Variants in SLC44A1 observed in about 807,000 individuals in gnomAD.
SLC44A1 encodes the protein choline transporter-like protein 1.
A neutral mutation model predicts 79.3 loss-of-function variants in SLC44A1; 26 were observed. The ratio of observed to expected loss-of-function variants is 0.33; its 90% confidence interval spans 0.24 to 0.46. The LOEUF (loss-of-function observed/expected upper bound fraction) is 0.46, where lower values mean the gene tolerates loss of function less well. SLC44A1 is among the 20% of genes least tolerant of loss of function. The pLI is 1.00. For missense variants in SLC44A1, 688 were observed against 798.1 expected (o/e 0.86, Z 1.66); for synonymous variants, 263 against 286.2 (o/e 0.92, Z 0.82).
Position 105,340,995 on chromosome 9 carries a change from T to G in SLC44A1, c.406+5296T>G, listed in dbSNP as rs377053312. On this transcript the variant is annotated intron_variant, in intron 4 of 15. Transcript: ENST00000374720. Reference sequence around the variant, plus strand: ...GGAAATTAGATTGGTATTGTGGAGATGCTGTCATATTACAAAGGCTTTTAA... The same window carrying G: ...GGAAATTAGATTGGTATTGTGGAGAGGCTGTCATATTACAAAGGCTTTTAA... Among the ~76,000 whole-genome samples the G allele has an allele frequency of 4.3e-4, 65 of 152,306 alleles. 1 individual carries two copies. The South Asian group carries it at 0.013, about 31-fold the overall frequency.
intron 5 of SLC44A1, among the ~76,000 whole-genome samples, chr9:105,351,563 A>AGAGAGAAAGAGAGAAG (rs1827414238): frequency 8.4e-6 from 1 of 118,662 alleles, no homozygotes; most frequent in Non-Finnish European, 1.7e-5. Context: ...AAAGAGAGAA[A>AGAGAGAAAGAGAGAAG]GAGAGAAAGA....
chr9:105,348,281 T>C, intron 4 of SLC44A1, 77 bp from the exon 5 acceptor site: 1 of 762,746 alleles, frequency 1.3e-6, no homozygotes, highest in Non-Finnish European at 2.3e-6. Context: ...ATATGTTGAA[T>C]AATACAAAAT....
intron 2 of SLC44A1, chr9:105,299,962 T>G: frequency 2.0e-6 from 2 of 984,564 alleles, no homozygotes; most frequent in Non-Finnish European, 2.4e-6. Flanking sequence ...CACATTCAAT[T>G]GCATACTCAC....
At position 105,418,794 on chromosome 9, in the gene SLC44A1, C is replaced by A. The variant is rs577158860; in HGVS notation, c.1951-19487C>A. Among the ~76,000 whole-genome samples, 22 of 152,308 alleles carry A rather than the reference C, an allele frequency of 1.4e-4. 1 individual carries two copies. Among genetic ancestry groups the A allele is most frequent in the African/African-American group, 5.1e-4 (21 of 41,554 alleles). The stretch of plus-strand genomic sequence containing the variant: ...GGAGAGAATCTCTTAGCCACTCGTG[C>A]TGAAATGTGACTTTCTTATTAGCAG... On this transcript the variant is annotated intron_variant, in intron 15 of 15. Transcript: ENST00000374724.
chr9:105,407,080 G>A (rs534536551), intron 15 of SLC44A1, among the ~76,000 whole-genome samples: 1 of 152,056 alleles, frequency 6.6e-6, no homozygotes, highest in African/African-American at 2.4e-5. Flanking sequence ...TCAGTCTAAG[G>A]AGCAGAAAAA....
At chr9:105,307,428 G>A (rs1453656657) in intron 2 of SLC44A1, among the ~76,000 whole-genome samples, 2 of 152,142 alleles carry the variant, frequency 1.3e-5, no homozygotes, top group African/African-American at 4.8e-5. Flanking sequence ...TGGATCACTT[G>A]AGGTCAGGAG....
Position 105,387,026 on chromosome 9 carries a change from G to C in SLC44A1, c.1950+1524G>C, listed in dbSNP as rs566250973. On this transcript the variant is annotated intron_variant, in intron 15 of 15. Coordinates refer to ENST00000374720, the MANE Select transcript of SLC44A1 (RefSeq NM_080546.5). ...TGCATTCCAGCCTGGGCGACAGAGC[G>C]AGACTCCATCTCAAAAAAAAAAAAA... Among the ~76,000 whole-genome samples, 66 of 40,914 alleles carry C rather than the reference G, an allele frequency of 1.6e-3. 1 individual carries two copies. The highest frequency in any genetic ancestry group is 0.015 in the East Asian group (24 of 1,616). 26.8% of individuals were successfully genotyped at this position (40,914 alleles called of 152,430 possible).
intron 15 of SLC44A1, among the ~76,000 whole-genome samples, chr9:105,427,198 G>T (rs754964930): frequency 1.4e-4 from 21 of 152,108 alleles, no homozygotes; most frequent in Non-Finnish European, 2.8e-4. Context: ...CTCCCAAAGT[G>T]CTGAGATTAA....
At chr9:105,414,355 G>A (rs751024649) in intron 15 of SLC44A1, among the ~76,000 whole-genome samples, 1 of 152,042 alleles carries the variant, frequency 6.6e-6, no homozygotes, top group Non-Finnish European at 1.5e-5. Context: ...ACGCCCAGCC[G>A]ACAGTTAGTG....
intron 15 of SLC44A1, among the ~76,000 whole-genome samples, chr9:105,415,674 T>C (rs963806819): frequency 1.1e-4 from 17 of 152,148 alleles, no homozygotes; most frequent in African/African-American, 3.9e-4. Flanking sequence ...GCATTTAGTG[T>C]TTGCATTCTA....
chr9:105,276,618 G>A (rs1007217740), intron 1 of SLC44A1, among the ~76,000 whole-genome samples: 2 of 121,850 alleles, frequency 1.6e-5, no homozygotes, highest in African/African-American at 3.5e-5. Flanking sequence ...GTGTGTGTGT[G>A]TATGTGCCTG....
At chr9:105,305,400 A>G (rs1831000915) in intron 2 of SLC44A1, among the ~76,000 whole-genome samples, 1 of 152,098 alleles carries the variant, frequency 6.6e-6, no homozygotes, top group Admixed American at 6.6e-5. Flanking sequence ...GTTTACATAA[A>G]TACTCACTCT....
chr9:105,436,049 T>C (rs1829459921), intron 15 of SLC44A1, among the ~76,000 whole-genome samples: 1 of 151,976 alleles, frequency 6.6e-6, no homozygotes, highest in African/African-American at 2.4e-5. Context: ...AATACAAAAA[T>C]TGGCCTGGCA....
intron 13 of SLC44A1, among the ~76,000 whole-genome samples, chr9:105,378,361 A>C (rs946537951): frequency 2.0e-5 from 3 of 152,248 alleles, no homozygotes; most frequent in African/African-American, 7.2e-5. Flanking sequence ...AACTATGGTT[A>C]TACAACTGTT....
At chr9:105,265,514 CAT>C (rs1274701700) in intron 1 of SLC44A1, among the ~76,000 whole-genome samples, 1 of 152,184 alleles carries the variant, frequency 6.6e-6, no homozygotes, top group African/African-American at 2.4e-5. Context: ...ATGAATATAT[CAT>C]AGTTTATTCA....
At chr9:105,353,379 G>A (rs751987514) in intron 5 of SLC44A1, among the ~76,000 whole-genome samples, 1 of 152,126 alleles carries the variant, frequency 6.6e-6, no homozygotes, top group Non-Finnish European at 1.5e-5. Flanking sequence ...TTCATTTTGA[G>A]AGTTCTGGTC....
intron 1 of SLC44A1, among the ~76,000 whole-genome samples, chr9:105,255,101 G>GTTTTTTTTT (rs74312883): frequency 5.4e-5 from 6 of 111,878 alleles, no homozygotes; most frequent in Non-Finnish European, 6.0e-5. Context: ...AGGTTTTTTT[G>GTTTTTTTTT]TTTTTTTTTT....
chr9:105,401,057 G>C (rs1828951669), downstream of SLC44A1, among the ~76,000 whole-genome samples: 1 of 152,168 alleles, frequency 6.6e-6, no homozygotes, highest in Non-Finnish European at 1.5e-5. Context: ...CCCCTCTCCA[G>C]GAGCATTCAG....
At chr9:105,412,694 T>C (rs1403087391) in intron 15 of SLC44A1, among the ~76,000 whole-genome samples, 1 of 151,980 alleles carries the variant, frequency 6.6e-6, no homozygotes, top group Non-Finnish European at 1.5e-5. Flanking sequence ...CTCCGCCCCC[T>C]GGGTTCTAGC....
Sources: allele counts gnomAD v4.1 joint callset (sites outside exome capture counted in the v4.1 genomes callset), GRCh38; gene constraint gnomAD v4.1.1; transcripts MANE v1.5; gene names NCBI Gene and HGNC (gene_info 2026-07-23, HGNC 2026-07-21).